CSMD1: variants seen among roughly 807,000 people sequenced by gnomAD.
CSMD1 encodes the protein CUB and sushi domain-containing protein 1.
In CSMD1, 213 loss-of-function variants were observed where a neutral mutation model predicts 417.5. The ratio of observed to expected loss-of-function variants is 0.51; its 90% confidence interval spans 0.46 to 0.57. CSMD1 has a LOEUF of 0.57. Among genes scored for constraint, CSMD1 ranks in the 20% least tolerant of loss-of-function variants. The pLI, the probability that CSMD1 is intolerant of heterozygous loss-of-function variation, is 0.00. For synonymous variants in CSMD1, 2,862 were observed against 1,736.8 expected (o/e 1.65, Z -16.11); for missense variants, 6,923 against 4,529.7 (o/e 1.53, Z -15.17).
At chr8:4,126,186 T>C (rs1393115678) in intron 3 of CSMD1, among the ~76,000 whole-genome samples, 1 of 152,084 alleles carries the variant, frequency 6.6e-6, no homozygotes, top group Non-Finnish European at 1.5e-5. Flanking sequence ...CAAATTACCA[T>C]TAAAAACCCT....
chr8:3,292,894 G>A lies in CSMD1; in HGVS notation c.3951-8548C>T, dbSNP rs372179753. Reference sequence around the variant, plus strand: ...ATGATGTTAGCTGGTTATTTTGCTCGTTAGTTGATGCAGTTTCTTCCTAGT... The same window carrying A: ...ATGATGTTAGCTGGTTATTTTGCTCATTAGTTGATGCAGTTTCTTCCTAGT... On this transcript the variant is annotated intron_variant, in intron 25 of 69. Transcript: ENST00000635120. Among the ~76,000 whole-genome samples the A allele has an allele frequency of 1.2e-3, 183 of 151,594 alleles. 1 individual carries two copies. In the East Asian group the frequency reaches 0.016, roughly 13 times the overall value.
intron 1 of CSMD1, among the ~76,000 whole-genome samples, chr8:4,647,927 T>C (rs12156348): frequency 0.032 from 4,841 of 152,334 alleles, 120 homozygotes; most frequent in Non-Finnish European, 0.051. Context: ...TTTGGGTATA[T>C]ACCCAGTAAT....
intron 3 of CSMD1, among the ~76,000 whole-genome samples, chr8:4,320,533 A>T (rs1799212521): frequency 6.7e-6 from 1 of 150,368 alleles, no homozygotes; most frequent in African/African-American, 2.4e-5. Context: ...AACAGGCCCC[A>T]GTGGGTGATG....
intron 54 of CSMD1, among the ~76,000 whole-genome samples, chr8:2,989,864 C>G (rs1806225999): frequency 6.6e-6 from 1 of 152,142 alleles, no homozygotes; most frequent in African/African-American, 2.4e-5. Flanking sequence ...GGTGAGTCTT[C>G]CTAGCTAGCA....
intron 6 of CSMD1, among the ~76,000 whole-genome samples, chr8:3,745,533 C>A (rs1797025726): frequency 6.6e-6 from 1 of 152,200 alleles, no homozygotes; most frequent in Non-Finnish European, 1.5e-5. Context: ...CTAATCATCA[C>A]AATTTTCAGT....
At position 4,001,763 on chromosome 8, in the gene CSMD1, C is replaced by CAGAG. The variant is rs778800935; in HGVS notation, c.611-3657_611-3654dup. On this transcript the variant is annotated intron_variant, in intron 4 of 69. Transcript: ENST00000635120. ...TAGGCTCACTGAATCCAGGTAAGAC[C>CAGAG]AGAGCACTGACTGCAACAGACAAGT... 1.4e-4 allele frequency among the ~76,000 whole-genome samples: 21 copies of CAGAG among 152,126 alleles called. 1 individual carries two copies. The East Asian group carries it at 2.1e-3, about 15-fold the overall frequency.
At chr8:4,258,875 C>G (rs1803671823) in intron 3 of CSMD1, among the ~76,000 whole-genome samples, 1 of 152,168 alleles carries the variant, frequency 6.6e-6, no homozygotes, top group African/African-American at 2.4e-5. Context: ...CTCATCTCTA[C>G]CTGGCCGTGC....
intron 7 of CSMD1, among the ~76,000 whole-genome samples, chr8:3,705,175 T>A (rs117051428): frequency 0.044 from 6,620 of 150,732 alleles, 212 homozygotes; most frequent in South Asian, 0.073. Flanking sequence ...GGGGAAGGAG[T>A]CGCCACTGAG....
At chr8:3,957,299 A>G (rs561663824) in intron 5 of CSMD1, among the ~76,000 whole-genome samples, 85 of 152,292 alleles carry the variant, frequency 5.6e-4, no homozygotes, top group African/African-American at 1.8e-3. Context: ...GCCCTCAGAA[A>G]TATTTTTTTA....
intron 5 of CSMD1, among the ~76,000 whole-genome samples, chr8:3,906,235 C>G (rs563273469): frequency 1.1e-4 from 16 of 151,994 alleles, no homozygotes; most frequent in African/African-American, 2.9e-4. Context: ...CACAAAATGC[C>G]ATAGCATTGC....
intron 3 of CSMD1, among the ~76,000 whole-genome samples, chr8:4,252,594 G>A (rs1470762942): frequency 4.6e-5 from 7 of 152,216 alleles, no homozygotes. Context: ...TCTACTCTCA[G>A]AAATCTTCAT....
At chr8:3,319,582 C>T (rs1294423795) in intron 23 of CSMD1, among the ~76,000 whole-genome samples, 1 of 152,100 alleles carries the variant, frequency 6.6e-6, no homozygotes, top group African/African-American at 2.4e-5. Context: ...CACTTCCGCA[C>T]ACATTCAACA....
intron 1 of CSMD1, among the ~76,000 whole-genome samples, chr8:4,876,540 T>C (rs74856864): frequency 0.019 from 2,948 of 152,220 alleles, 92 homozygotes; most frequent in African/African-American, 0.055. Flanking sequence ...ATCAGCACAT[T>C]TCAATGCTTT....
At chr8:4,198,098 G>A (rs118011381) in intron 3 of CSMD1, among the ~76,000 whole-genome samples, 1 of 152,240 alleles carries the variant, frequency 6.6e-6, no homozygotes, top group Admixed American at 6.5e-5. Context: ...GGGAGTCTGA[G>A]TTAAGGTAAG....
intron 1 of CSMD1, among the ~76,000 whole-genome samples, chr8:4,698,742 A>G (rs1158099): frequency 0.59 from 88,550 of 149,118 alleles, 26,182 homozygotes; most frequent in Middle Eastern, 0.69. Flanking sequence ...CTTACCTACT[A>G]AACTCTCTGC....
intron 26 of CSMD1, among the ~76,000 whole-genome samples, chr8:3,238,546 G>A (rs571446687): frequency 2.6e-5 from 4 of 152,238 alleles, no homozygotes; most frequent in Middle Eastern, 3.4e-3. Flanking sequence ...CGGGCAGCAT[G>A]GGAACTTAGA....
chr8:4,548,412 TTTG>T (rs1466738766), intron 2 of CSMD1, among the ~76,000 whole-genome samples: 3 of 152,198 alleles, frequency 2.0e-5, no homozygotes, highest in Non-Finnish European at 4.4e-5. Flanking sequence ...AGTCTATTTC[TTTG>T]TTATGCTATA....
intron 5 of CSMD1, among the ~76,000 whole-genome samples, chr8:3,935,663 T>C (rs575834605): frequency 1.3e-5 from 2 of 152,270 alleles, no homozygotes; most frequent in African/African-American, 4.8e-5. Flanking sequence ...AATTAGTCAA[T>C]AAATGTGTGT....
chr8:3,898,417 G>C (rs1455343232), intron 5 of CSMD1, among the ~76,000 whole-genome samples: 1 of 152,200 alleles, frequency 6.6e-6, no homozygotes, highest in Non-Finnish European at 1.5e-5. Context: ...CCATTATAAA[G>C]TGTTAAAGTT....
Sources: gnomAD v4.1 joint callset for allele counts (sites outside exome capture counted in the v4.1 genomes callset) on GRCh38, gnomAD v4.1.1 for gene constraint, MANE v1.5 for transcripts, NCBI Gene and HGNC (gene_info 2026-07-23, HGNC 2026-07-21) for gene names.